SYTL3: variants seen among roughly 807,000 people sequenced by gnomAD.
SYTL3 encodes synaptotagmin like 3.
Under a neutral mutation model 82.1 loss-of-function variants are expected in SYTL3, and 88 were observed. The observed-to-expected ratio is 1.07, with a 90% confidence interval of 0.90 to 1.28. The LOEUF (loss-of-function observed/expected upper bound fraction) is 1.28, where lower values mean the gene tolerates loss of function less well. Ranked by LOEUF, SYTL3 falls within the 50% of genes most tolerant of loss-of-function variation. SYTL3 has a pLI of 0.00. For synonymous variants in SYTL3, 311 were observed against 289.4 expected, an observed-to-expected ratio of 1.07 and a Z score of -0.76; for missense variants, 831 against 757.6, an observed-to-expected ratio of 1.10 and a Z score of -1.14.
chr6:158,762,541 G>A (rs903212167), intron 16 of SYTL3, among the ~76,000 whole-genome samples: 1 of 152,086 alleles, frequency 6.6e-6, no homozygotes, highest in Non-Finnish European at 1.5e-5. Flanking sequence ...AGGTGCATTG[G>A]CCCCTCTAAA....
At chr6:158,703,829 A>G (rs1781615934) in intron 6 of SYTL3, among the ~76,000 whole-genome samples, 1 of 147,452 alleles carries the variant, frequency 6.8e-6, no homozygotes. Context: ...TATCATTATT[A>G]TTATTATTAT....
intron 11 of SYTL3, chr6:158,725,855 G>C (rs980854141): frequency 1.4e-6 from 1 of 713,252 alleles, no homozygotes; most frequent in Non-Finnish European, 2.5e-6. Context: ...GTTACTCCAG[G>C]TGTGTCAGCA....
chr6:158,727,709 A>T (rs1374530250), intron 11 of SYTL3, among the ~76,000 whole-genome samples: 1 of 24,954 alleles, frequency 4.0e-5, no homozygotes. Flanking sequence ...TTTGAGATGA[A>T]GTCTCCCTCT....
chr6:158,668,001 A>T (rs891187898), intron 5 of SYTL3, among the ~76,000 whole-genome samples: 1 of 152,192 alleles, frequency 6.6e-6, no homozygotes, highest in South Asian at 2.1e-4. Flanking sequence ...TAGTCTTTTA[A>T]TGTTTTATTA....
chr6:158,675,535 C>T (rs762304138), intron 5 of SYTL3, among the ~76,000 whole-genome samples: 24 of 152,014 alleles, frequency 1.6e-4, no homozygotes, highest in Non-Finnish European at 3.2e-4. Context: ...GAAGTAGGGC[C>T]GGTCACAGTG....
chr6:158,649,323 T>G (rs1285839251), upstream of SYTL3, among the ~76,000 whole-genome samples: 6 of 152,244 alleles, frequency 3.9e-5, no homozygotes, highest in Non-Finnish European at 8.8e-5. Flanking sequence ...CTTCCATGGC[T>G]CTGCTTCATG....
chr6:158,737,050 A>AC (rs1051899767), intron 11 of SYTL3, among the ~76,000 whole-genome samples: 10 of 151,420 alleles, frequency 6.6e-5, no homozygotes, highest in Non-Finnish European at 1.3e-4. Flanking sequence ...AAAAAAAAAA[A>AC]AAACAACGAA....
intron 10 of SYTL3, among the ~76,000 whole-genome samples, chr6:158,721,084 T>C (rs947895598): frequency 6.6e-6 from 1 of 152,128 alleles, no homozygotes; most frequent in Non-Finnish European, 1.5e-5. Context: ...GGGGAGACAG[T>C]GGGGAGAGAG....
At chr6:158,695,414 A>G (rs946705028) in intron 6 of SYTL3, among the ~76,000 whole-genome samples, 9 of 152,222 alleles carry the variant, frequency 5.9e-5, no homozygotes, top group African/African-American at 2.2e-4. Context: ...TTTAGGGAGT[A>G]ATTTGCTGCT....
intron 5 of SYTL3, among the ~76,000 whole-genome samples, chr6:158,667,965 G>A (rs749115179): frequency 8.0e-4 from 122 of 152,278 alleles, no homozygotes; most frequent in Middle Eastern, 6.8e-3. Flanking sequence ...GGCTCAAGAC[G>A]ACTTCCAGAA....
intron 6 of SYTL3, among the ~76,000 whole-genome samples, chr6:158,703,285 T>G (rs1346646622): frequency 6.6e-6 from 1 of 151,808 alleles, no homozygotes; most frequent in Non-Finnish European, 1.5e-5. Flanking sequence ...AGACAAGCCC[T>G]GGCAGCCTCA....
intron 16 of SYTL3, among the ~76,000 whole-genome samples, chr6:158,762,989 T>C (rs11963314): frequency 0.1 from 15,440 of 152,188 alleles, 1,342 homozygotes; most frequent in African/African-American, 0.24. Context: ...CTTGTCTGAG[T>C]TGATTTTCCT....
intron 6 of SYTL3, among the ~76,000 whole-genome samples, chr6:158,700,896 A>C (rs144007736): frequency 6.6e-6 from 1 of 152,160 alleles, no homozygotes; most frequent in Admixed American, 6.5e-5. Flanking sequence ...GATTACAGGC[A>C]TGAGCCACCG....
chr6:158,658,188 G>A lies in SYTL3; in HGVS notation c.-636-3081G>A, dbSNP rs546943568. ...ATTACAGGCGTGAGCCACCACGCCC[G>A]GCCCACTAGTTGCATTTCTAGAACA... On this transcript the variant is annotated intron_variant, in intron 2 of 17. Coordinates refer to ENST00000611299, the MANE Select transcript of SYTL3 (RefSeq NM_001242394.2). 3.3e-5 allele frequency among the ~76,000 whole-genome samples: 5 copies of A among 152,228 alleles called. No homozygotes were observed. The East Asian group carries it at 5.8e-4, about 18-fold the overall frequency.
intron 9 of SYTL3, among the ~76,000 whole-genome samples, chr6:158,714,199 A>G (rs1783085083): frequency 6.6e-6 from 1 of 152,144 alleles, no homozygotes. Context: ...TAAAAATACA[A>G]AAATTAGCCA....
intron 11 of SYTL3, among the ~76,000 whole-genome samples, chr6:158,735,368 C>T (rs759157852): frequency 6.6e-6 from 1 of 152,046 alleles, no homozygotes; most frequent in Non-Finnish European, 1.5e-5. Flanking sequence ...ATTAACTATG[C>T]CTAACTAAAT....
chr6:158,724,247 G>C (rs564702628), intron 10 of SYTL3, among the ~76,000 whole-genome samples: 14 of 152,292 alleles, frequency 9.2e-5, no homozygotes, highest in African/African-American at 3.1e-4. Flanking sequence ...ATTTAGCATA[G>C]TGCTGTGAAT....
At chr6:158,703,242 G>A (rs981350144) in intron 6 of SYTL3, among the ~76,000 whole-genome samples, 1 of 151,906 alleles carries the variant, frequency 6.6e-6, no homozygotes, top group East Asian at 1.9e-4. Flanking sequence ...CGCCGTGCCT[G>A]GCAGACACGG....
chr6:158,759,023 G>T (rs571109107), intron 14 of SYTL3, among the ~76,000 whole-genome samples: 1 of 152,290 alleles, frequency 6.6e-6, no homozygotes, highest in East Asian at 1.9e-4. Flanking sequence ...GGGACGCCCT[G>T]AGTTTCCAGC....
Sources: allele counts gnomAD v4.1 joint callset (sites outside exome capture counted in the v4.1 genomes callset), GRCh38; gene constraint gnomAD v4.1.1; transcripts MANE v1.5; gene names NCBI Gene and HGNC (gene_info 2026-07-23, HGNC 2026-07-21).